The following MYCBP2 variants were observed in gnomAD, a reference collection of about 807,000 sequenced individuals.
MYCBP2 encodes MYC binding protein 2, also known as E3 ubiquitin-protein ligase MYCBP2.
In MYCBP2, 120 loss-of-function variants were observed where a neutral mutation model predicts 525.3. The observed-to-expected ratio is 0.23, with a 90% CI of 0.20 to 0.27. The LOEUF is 0.27. Among genes scored for constraint, MYCBP2 ranks in the 10% least tolerant of loss-of-function variants. MYCBP2 has a pLI of 1.00. For synonymous variants in MYCBP2, 1,894 were observed against 1,955.8 expected, an observed-to-expected ratio of 0.97 and a Z score of 0.83; for missense variants, 4,149 against 5,657.1, an observed-to-expected ratio of 0.73 and a Z score of 8.55.
intron 46 of MYCBP2, among the ~76,000 whole-genome samples, chr13:77,154,096 A>G (rs1423298890): frequency 6.6e-6 from 1 of 152,220 alleles, no homozygotes. Context: ...AACAGTCTAA[A>G]GTGCTCCTAA....
intron 17 of MYCBP2, among the ~76,000 whole-genome samples, chr13:77,234,844 T>C (rs148260306): frequency 6.6e-6 from 1 of 151,560 alleles, no homozygotes; most frequent in Non-Finnish European, 1.5e-5. Context: ...GTAATAATAT[T>C]GTTATATTAC....
rs776590630 is a variant in MYCBP2, at chr13:77,243,997, C to A, written c.2382-46G>T. 1.3e-5 allele frequency: 19 copies of A among 1,457,614 alleles called. No individual in the cohort carries two copies. The South Asian group carries it at 2.7e-4, about 21-fold the overall frequency. 90.3% of individuals were successfully genotyped at this position (1,457,614 alleles called of 1,614,324 possible). On this transcript the variant is annotated intron_variant, in intron 15 of 82. Coordinates refer to ENST00000544440, the MANE Select transcript of MYCBP2 (RefSeq NM_015057.5). Reference sequence around the variant, plus strand: ...AAAAAAAAAAGACAACTGAGATATTCCTAATTTGTCTTTAAAACTCTTTTC... The same window carrying A: ...AAAAAAAAAAGACAACTGAGATATTACTAATTTGTCTTTAAAACTCTTTTC...
chr13:77,267,429 AAAATT>A (rs1159461115), intron 8 of MYCBP2, among the ~76,000 whole-genome samples: 1 of 150,840 alleles, frequency 6.6e-6, no homozygotes, highest in South Asian at 2.1e-4. Context: ...TAAATTAAAT[AAAATT>A]AAATTAAATT....
At chr13:77,178,904 T>C (rs569251039) in intron 34 of MYCBP2, among the ~76,000 whole-genome samples, 5 of 152,340 alleles carry the variant, frequency 3.3e-5, no homozygotes, top group Admixed American at 3.3e-4. Flanking sequence ...CTGCAGAGTA[T>C]ACTATCAAAG....
At chr13:77,083,541 G>A (rs749412065) in intron 62 of MYCBP2, among the ~76,000 whole-genome samples, 3 of 151,968 alleles carry the variant, frequency 2.0e-5, no homozygotes, top group Non-Finnish European at 4.4e-5. Flanking sequence ...ATACATATAT[G>A]TAGGTATGTT....
chr13:77,282,194 T>A (rs555659909), intron 3 of MYCBP2, among the ~76,000 whole-genome samples: 9 of 152,208 alleles, frequency 5.9e-5, no homozygotes, highest in Admixed American at 1.3e-4. Flanking sequence ...GGAGATCACC[T>A]GAGGTCAGGA....
intron 1 of MYCBP2, among the ~76,000 whole-genome samples, chr13:77,296,952 A>C (rs1567190792): frequency 6.6e-6 from 1 of 152,218 alleles, no homozygotes; most frequent in Non-Finnish European, 1.5e-5. Flanking sequence ...TTAAAAAGGC[A>C]TCAAATGAAG....
At chr13:77,105,517 C>T (rs2047715822) in intron 55 of MYCBP2, among the ~76,000 whole-genome samples, 1 of 151,980 alleles carries the variant, frequency 6.6e-6, no homozygotes. Flanking sequence ...CAAGTTTAAA[C>T]ATACTTTCAT....
In MYCBP2 at chr13:77,240,115, T is replaced by G. The variant is rs2068588728; in HGVS notation, c.2629+2944A>C. Among the ~76,000 whole-genome samples the G allele has an allele frequency of 2.6e-5, 4 of 152,308 alleles. No individual in the cohort carries two copies. In the South Asian group the frequency reaches 8.3e-4, roughly 32 times the overall value. ...TCTAATTTTGTTTTCTTATAAAAAT[T>G]TGTTTTTAAATAAAAATTGCTTAAT... is the stretch of plus-strand genomic sequence containing the variant. On this transcript the variant is annotated intron_variant, in intron 17 of 82. Transcript: ENST00000544440.
intron 10 of MYCBP2, among the ~76,000 whole-genome samples, chr13:77,262,684 T>C (rs534652137): frequency 8.5e-4 from 129 of 152,012 alleles, no homozygotes; most frequent in African/African-American, 3.0e-3. Context: ...TCAATTCAAA[T>C]ATATATATAT....
At chr13:77,089,645 CTGT>C (rs1202155196) in intron 60 of MYCBP2, among the ~76,000 whole-genome samples, 6 of 145,270 alleles carry the variant, frequency 4.1e-5, no homozygotes, top group Non-Finnish European at 7.6e-5. Context: ...GATCATGTAA[CTGT>C]TTTTTTTTTT....
intron 82 of MYCBP2, among the ~76,000 whole-genome samples, chr13:77,047,356 C>T (rs1259233001): frequency 1.3e-5 from 2 of 152,126 alleles, no homozygotes; most frequent in South Asian, 4.1e-4. Flanking sequence ...CAATACCTAA[C>T]TCATGGGGTG....
In MYCBP2 at chr13:77,083,126, G is replaced by A; in HGVS notation, c.10942C>T (p.Pro3648Ser). The change falls in exon 63 of 83, where the codon CCT (proline) becomes TCT (serine). Residue 3648 changes from proline (P) to serine (S), a missense_variant. Pro to Ser is a moderately conservative substitution (Grantham distance 74, BLOSUM62 -1). Transcript: ENST00000544440. ...AAGCGGTGAAAGGTGTGTGGTAAAG[G>A]ATGAGCAGCTTCCCCGGCAATCACT... The part of the protein sequence containing the change: ...DIVIAGEAAH[P>S]LPHTFHRLLQ... 1 of 1,613,626 alleles carries A rather than the reference G, an allele frequency of 6.2e-7. No individual in the cohort carries two copies. The highest frequency in any genetic ancestry group is 8.5e-7 in the Non-Finnish European group (1 of 1,179,682).
At chr13:77,232,997 C>T (rs747919207) in intron 18 of MYCBP2, among the ~76,000 whole-genome samples, 159 bp downstream of exon 18, 2 of 152,182 alleles carry the variant, frequency 1.3e-5, no homozygotes, top group Non-Finnish European at 2.9e-5. Context: ...CAGTCACTGA[C>T]AAACGGTATC....
At chr13:77,136,521 TA>T (rs766459397) in intron 52 of MYCBP2, among the ~76,000 whole-genome samples, 34 of 152,288 alleles carry the variant, frequency 2.2e-4, no homozygotes, top group Non-Finnish European at 3.1e-4. Flanking sequence ...CAGCAACTAG[TA>T]CTATAATTTG....
intron 24 of MYCBP2, 79 bp downstream of exon 24, chr13:77,206,574 T>C (rs2063362709): frequency 1.6e-6 from 2 of 1,228,826 alleles, no homozygotes; most frequent in South Asian, 2.3e-5. Context: ...GAATTACATA[T>C]AAATTTAAAT....
At chr13:77,236,752 C>G (rs2067985725) in intron 17 of MYCBP2, among the ~76,000 whole-genome samples, 1 of 151,934 alleles carries the variant, frequency 6.6e-6, no homozygotes, top group South Asian at 2.1e-4. Context: ...TAACTAAACC[C>G]AGGTGTGGTG....
intron 1 of MYCBP2, among the ~76,000 whole-genome samples, chr13:77,307,625 C>CAAAA (rs763388200): frequency 1.0e-3 from 30 of 30,102 alleles, no homozygotes; most frequent in Admixed American, 4.3e-3. Flanking sequence ...GACCCTGTCT[C>CAAAA]AAAAAAAAAA....
At chr13:77,286,803 T>TATATATATAA (rs1555460524) in intron 3 of MYCBP2, among the ~76,000 whole-genome samples, 7 of 115,506 alleles carry the variant, frequency 6.1e-5, no homozygotes, top group African/African-American at 2.4e-4. Context: ...TATATATATA[T>TATATATATAA]ATATATATAT....
Sources: allele counts gnomAD v4.1 joint callset (sites outside exome capture counted in the v4.1 genomes callset), GRCh38; gene constraint gnomAD v4.1.1; transcripts MANE v1.5; gene names NCBI Gene and HGNC (gene_info 2026-07-23, HGNC 2026-07-21).